HSH2D: variants seen among roughly 807,000 people sequenced by gnomAD.
The protein encoded by HSH2D is hematopoietic SH2 domain-containing protein.
Under a neutral mutation model 21.5 loss-of-function variants are expected in HSH2D, and 16 were observed. The observed-to-expected ratio is 0.74, with a 90% CI of 0.50 to 1.13. The LOEUF (loss-of-function observed/expected upper bound fraction) is 1.13, where lower values mean the gene tolerates loss of function less well. Ranked by LOEUF, HSH2D falls within the 50% of genes most tolerant of loss-of-function variation. The pLI is 0.00. For synonymous variants in HSH2D, 172 were observed against 184.7 expected (o/e 0.93, Z 0.56); for missense variants, 418 against 441.4 (o/e 0.95, Z 0.47).
intron 1 of HSH2D, among the ~76,000 whole-genome samples, chr19:16,147,548 G>A (rs2091088756): frequency 6.6e-6 from 1 of 151,224 alleles, no homozygotes; most frequent in South Asian, 2.1e-4. Context: ...GTCCTTGAAG[G>A]CCTTTGGGGA....
chr19:16,154,544 G>A, intron 5 of HSH2D, 53 bp downstream of exon 5: 2 of 1,170,504 alleles, frequency 1.7e-6, no homozygotes, highest in Admixed American at 4.3e-5. Context: ...GGGCAGGAGT[G>A]GAGGTGGTCA....
intron 2 of HSH2D, among the ~76,000 whole-genome samples, chr19:16,151,052 G>A (rs185553040): frequency 6.6e-5 from 10 of 151,962 alleles, no homozygotes; most frequent in Non-Finnish European, 1.0e-4. Flanking sequence ...GACTGATTTC[G>A]GTGGCTCACG....
rs2091263205 is a variant in HSH2D at position 16,158,270 on chromosome 19, TG to T, written c.*477del. ...ACTGCAAGCCGGGCTCAGTGGCTCA[TG>T]CCTGTAGTCCCAGCACTCTGTGGGG... On this transcript the variant is annotated 3_prime_UTR_variant, in exon 6 of 6. Transcript: ENST00000613986. 6.5e-6 allele frequency: 1 copy of T among 154,870 alleles called. No homozygotes were observed. The highest frequency in any genetic ancestry group is 6.4e-5 in the Admixed American group (1 of 15,596). The allele number at this position is 154,870 out of a possible 1,614,324, so 9.6% of individuals were successfully genotyped here.
In HSH2D at chr19:16,157,095, C is replaced by T. The variant is rs940804404; in HGVS notation, c.475-115C>T. 183 of 780,790 alleles carry T rather than the reference C, an allele frequency of 2.3e-4. No homozygotes were observed. The highest frequency in any genetic ancestry group is 1.5e-4 in the Non-Finnish European group (75 of 504,086). The allele number at this position is 780,790 out of a possible 1,614,324, so 48.4% of individuals were successfully genotyped here. A position where few individuals can be genotyped will look rare whatever the true frequency, so the allele number is the denominator to read the frequency against. On this transcript the variant is annotated intron_variant, in intron 5 of 5. Transcript: ENST00000613986. The surrounding 1 kb of genome is among the most constrained non-coding windows in gnomAD (Gnocchi z 4.4). ...ATGGGATCAGGTTTGGGGGTTCACA[C>T]GGGGACGTTTCTCAGCCACAGGGTG...
chr19:16,154,562 C>A, intron 5 of HSH2D, 71 bp downstream of exon 5: 1 of 868,904 alleles, frequency 1.2e-6, no homozygotes, highest in Non-Finnish European at 1.8e-6. Context: ...TCAACAGCTT[C>A]CAGAGGAGGC....
intron 1 of HSH2D, 109 bp downstream of exon 1, chr19:16,143,883 T>G: frequency 3.9e-6 from 1 of 257,120 alleles, no homozygotes; most frequent in South Asian, 2.7e-5. Flanking sequence ...AGGGATTTTC[T>G]AGGGGCATGG....
intron 1 of HSH2D, among the ~76,000 whole-genome samples, chr19:16,138,269 G>T (rs2090977363): frequency 6.6e-6 from 1 of 152,180 alleles, no homozygotes; most frequent in African/African-American, 2.4e-5. Context: ...TTGTAGCATG[G>T]AGCAGTGCTT....
intron 1 of HSH2D, among the ~76,000 whole-genome samples, chr19:16,136,247 GCTTT>G (rs971369868): frequency 6.6e-6 from 1 of 152,182 alleles, no homozygotes; most frequent in African/African-American, 2.4e-5. Flanking sequence ...TGGGAAACTT[GCTTT>G]CTTTCCACGA....
chr19:16,138,351 C>A (rs2090977879), intron 1 of HSH2D, among the ~76,000 whole-genome samples: 1 of 152,194 alleles, frequency 6.6e-6, no homozygotes, highest in African/African-American at 2.4e-5. Context: ...CCCATTCATT[C>A]ATTCATGGAC....
intron 1 of HSH2D, among the ~76,000 whole-genome samples, chr19:16,134,396 G>A (rs571955802): frequency 6.6e-6 from 1 of 152,294 alleles, no homozygotes; most frequent in Admixed American, 6.5e-5. Flanking sequence ...TACAGAAAGT[G>A]TATGAGCCAC....
At chr19:16,143,015 C>T (rs184607577), upstream of HSH2D, among the ~76,000 whole-genome samples, 296 of 151,792 alleles carry the variant, frequency 2.0e-3, no homozygotes, top group Non-Finnish European at 3.3e-3. Flanking sequence ...ATGATCCACC[C>T]GCCTCGGCCT....
chr19:16,140,587 AG>A (rs1363874605), upstream of HSH2D, among the ~76,000 whole-genome samples: 1 of 152,120 alleles, frequency 6.6e-6, no homozygotes, highest in Non-Finnish European at 1.5e-5. Context: ...CCGGGGCGAT[AG>A]AACAAGACAT....
intron 1 of HSH2D, among the ~76,000 whole-genome samples, chr19:16,137,793 G>A (rs2090974440): frequency 6.6e-6 from 1 of 152,002 alleles, no homozygotes; most frequent in Admixed American, 6.6e-5. Context: ...GCCCAGGCTG[G>A]TCTTGAACTG....
intron 1 of HSH2D, among the ~76,000 whole-genome samples, chr19:16,144,998 C>CT (rs1044604943): frequency 1.4e-5 from 2 of 139,426 alleles, no homozygotes; most frequent in Non-Finnish European, 3.1e-5. Context: ...GTCCCAGGCT[C>CT]TTTTTTTGTT....
At chr19:16,134,732 C>G (rs2090949066) in intron 1 of HSH2D, among the ~76,000 whole-genome samples, 1 of 152,146 alleles carries the variant, frequency 6.6e-6, no homozygotes, top group Non-Finnish European at 1.5e-5. Context: ...CCTCTGTGAC[C>G]ACTTCCTCAT....
chr19:16,149,169 A>T (rs1599418451), intron 2 of HSH2D, among the ~76,000 whole-genome samples: 1 of 152,284 alleles, frequency 6.6e-6, no homozygotes, highest in Non-Finnish European at 1.5e-5. Context: ...GCCAAGCATT[A>T]CCAATCAACG....
chr19:16,152,601 A>T lies in HSH2D; in HGVS notation c.175A>T (p.Arg59Trp). Reference protein sequence around the residue: ...ESQPLGSFLIRVSHSHVGYTL... With the variant: ...ESQPLGSFLIWVSHSHVGYTL... ...ACAGCCACTGGGATCCTTTCTCATC[A>T]GGGTCAGTCACAGCCATGTGGGCTA... The change falls in exon 3 of 6, where the codon AGG becomes TGG. Residue 59 changes from arginine (R) to tryptophan (W), a missense_variant. Physicochemically the swap from Arg to Trp is moderately radical, Grantham distance 101. Coordinates refer to ENST00000613986, the MANE Select transcript of HSH2D (RefSeq NM_001382417.1). The T allele has an allele frequency of 6.6e-7, 1 of 1,514,882 alleles. No individual in the cohort carries two copies. 93.8% of individuals were successfully genotyped at this position (1,514,882 alleles called of 1,614,324 possible).
At chr19:16,150,223 A>C (rs1212511992) in intron 2 of HSH2D, among the ~76,000 whole-genome samples, 1 of 151,574 alleles carries the variant, frequency 6.6e-6, no homozygotes, top group Non-Finnish European at 1.5e-5. Context: ...TGGCCTGGAC[A>C]ACATAGTGAG....
At position 16,157,782 on chromosome 19, in the gene HSH2D, T is replaced by G; in HGVS notation, c.1047T>G (p.Pro349=). 1 of 1,600,494 alleles carries G rather than the reference T, an allele frequency of 6.2e-7. No homozygotes were observed. Among genetic ancestry groups the G allele is most frequent in the Non-Finnish European group, 8.5e-7 (1 of 1,176,568 alleles). ...ACCAACAACCGCCACCCTTTGCCCCTGGGTACTGCTAGAGAACAGGTCCAC... is the reference window on the plus strand; with the variant it reads ...ACCAACAACCGCCACCCTTTGCCCCGGGGTACTGCTAGAGAACAGGTCCAC... The part of the protein sequence containing the change: ...EEYQQPPPFA[P]GYC Residue 349 remains proline, a synonymous_variant, in exon 6 of 6, where the codon CCT becomes CCG. Coordinates refer to ENST00000613986, the MANE Select transcript of HSH2D (RefSeq NM_001382417.1). This position sits in a 1 kb window ranked among gnomAD's most constrained non-coding sequence, Gnocchi z 4.4.
Sources: gnomAD v4.1 joint callset for allele counts (sites outside exome capture counted in the v4.1 genomes callset) on GRCh38, gnomAD v4.1.1 for gene constraint, Gnocchi (gnomAD v3.1) non-coding constraint, MANE v1.5 for transcripts, NCBI Gene and HGNC (gene_info 2026-07-23, HGNC 2026-07-21) for gene names.